The following SOS1 variants were observed in gnomAD, a reference collection of about 807,000 sequenced individuals.
SOS1 encodes the protein son of sevenless homolog 1.
A neutral mutation model predicts 157.6 loss-of-function variants in SOS1; 25 were observed. That is an observed-to-expected ratio of 0.16 (90% CI 0.12 to 0.22). SOS1 has a LOEUF of 0.22. Among genes scored for constraint, SOS1 ranks in the 10% least tolerant of loss-of-function variants. SOS1 has a pLI of 1.00. For missense variants in SOS1, 1,237 were observed against 1,599.1 expected (o/e 0.77, Z 3.86); for synonymous variants, 528 against 534.0 (o/e 0.99, Z 0.16).
chr2:39,086,400 A>G (rs958719723), intron 1 of SOS1, among the ~76,000 whole-genome samples: 8 of 152,240 alleles, frequency 5.3e-5, no homozygotes, highest in Admixed American at 6.5e-5. Flanking sequence ...AGATGTTTTC[A>G]TAAGTGGGAG....
At chr2:39,024,228 C>T (rs1011801469) in intron 8 of SOS1, 91 bp from the exon 9 acceptor site, 4 of 921,296 alleles carry the variant, frequency 4.3e-6, no homozygotes, top group African/African-American at 4.2e-5. Flanking sequence ...AACATTTATT[C>T]AACTGTCACA....
At chr2:38,999,721 T>C (rs75648979) in intron 17 of SOS1, among the ~76,000 whole-genome samples, 2 of 152,362 alleles carry the variant, frequency 1.3e-5, no homozygotes, top group African/African-American at 4.8e-5. Flanking sequence ...CATAAGAGTA[T>C]GCATGCTCAA....
chr2:39,061,079 AAAG>A (rs1671384434), intron 2 of SOS1, among the ~76,000 whole-genome samples: 1 of 152,090 alleles, frequency 6.6e-6, no homozygotes, highest in South Asian at 2.1e-4. Context: ...TTGAGGAAGG[AAAG>A]AAGAGGAAAG....
chr2:39,070,758 C>T (rs1572870082), intron 1 of SOS1, among the ~76,000 whole-genome samples: 1 of 152,146 alleles, frequency 6.6e-6, no homozygotes, highest in African/African-American at 2.4e-5. Context: ...GGTTACATTC[C>T]AGTTCAAAGC....
At chr2:39,102,235 C>T (rs1430939595) in intron 1 of SOS1, among the ~76,000 whole-genome samples, 2 of 36,660 alleles carry the variant, frequency 5.5e-5, no homozygotes, top group Non-Finnish European at 1.8e-4. Context: ...AAAAAAGTGC[C>T]ACTTTGTCCC....
At position 39,023,161 on chromosome 2, in the gene SOS1, T is replaced by C. The variant is rs747558911; in HGVS notation, c.1267A>G (p.Asn423Asp). ...CCATCAATATTCTTCTGAATCTCGT[T>C]CATCTTCTTGATTGCTAGTTGTTTC... Reference protein sequence around the residue: ...KGKQLAIKKMNEIQKNIDGWE... With the variant: ...KGKQLAIKKMDEIQKNIDGWE... Residue 423 changes from asparagine (N) to aspartate (D), a missense_variant, in exon 10 of 23, where the codon AAC (asparagine) becomes GAC (aspartate). By Grantham distance (23) the Asn-to-Asp change is conservative. Transcript: ENST00000402219. 1 of 1,613,402 alleles carries C rather than the reference T, an allele frequency of 6.2e-7. No individual in the cohort carries two copies. Among genetic ancestry groups the C allele is most frequent in the South Asian group, 1.1e-5 (1 of 90,986 alleles).
At chr2:39,064,133 G>T (rs890794440) in intron 2 of SOS1, among the ~76,000 whole-genome samples, 6 of 151,920 alleles carry the variant, frequency 3.9e-5, no homozygotes, top group Non-Finnish European at 2.9e-5. Flanking sequence ...CCACCACACC[G>T]GCCAAATTTA....
At chr2:39,030,990 G>A (rs753534174) in intron 8 of SOS1, among the ~76,000 whole-genome samples, 5 of 151,986 alleles carry the variant, frequency 3.3e-5, no homozygotes, top group African/African-American at 4.8e-5. Flanking sequence ...GAATCGCTGG[G>A]GTCCACCAGA....
intron 1 of SOS1, among the ~76,000 whole-genome samples, chr2:39,076,400 A>C (rs1228168217): frequency 6.8e-6 from 1 of 147,364 alleles, no homozygotes; most frequent in Non-Finnish European, 1.5e-5. Flanking sequence ...CCTTACCTTA[A>C]AAAAAAAAAA....
intron 2 of SOS1, among the ~76,000 whole-genome samples, chr2:39,059,721 G>A (rs1478437103): frequency 6.6e-6 from 1 of 152,146 alleles, no homozygotes; most frequent in Middle Eastern, 3.2e-3. Flanking sequence ...GCCATGTGAT[G>A]CCCTTGGTGG....
chr2:39,115,865 T>C (rs1256119390), intron 1 of SOS1, among the ~76,000 whole-genome samples: 2 of 152,264 alleles, frequency 1.3e-5, no homozygotes, highest in African/African-American at 4.8e-5. Context: ...TGAACATTCA[T>C]GTATAAGTCT....
intron 1 of SOS1, among the ~76,000 whole-genome samples, chr2:39,112,991 A>C (rs1278683382): frequency 6.6e-6 from 1 of 151,964 alleles, no homozygotes; most frequent in Admixed American, 6.6e-5. Flanking sequence ...AGCGGAGATC[A>C]CACCACTGCA....
intron 14 of SOS1, among the ~76,000 whole-genome samples, chr2:39,011,671 A>G (rs1034790420): frequency 2.6e-5 from 4 of 152,196 alleles, no homozygotes; most frequent in African/African-American, 7.2e-5. Context: ...AAAAAAGACT[A>G]TAATGGCTGT....
intron 5 of SOS1, among the ~76,000 whole-genome samples, chr2:39,053,927 C>CTT (rs754202189): frequency 2.7e-5 from 4 of 145,626 alleles, no homozygotes; most frequent in Non-Finnish European, 6.1e-5. Context: ...GAAAGGAACT[C>CTT]TTTTTTTTTT....
At chr2:39,095,706 A>T (rs1414455202) in intron 1 of SOS1, among the ~76,000 whole-genome samples, 1 of 152,234 alleles carries the variant, frequency 6.6e-6, no homozygotes, top group Non-Finnish European at 1.5e-5. Flanking sequence ...TTTCAGTTCC[A>T]CATATTCTGA....
chr2:39,108,513 C>T (rs561061828), intron 1 of SOS1, among the ~76,000 whole-genome samples: 2 of 152,260 alleles, frequency 1.3e-5, no homozygotes, highest in African/African-American at 4.8e-5. Context: ...TTATTTCCTC[C>T]TAATCCTTAA....
intron 1 of SOS1, among the ~76,000 whole-genome samples, chr2:39,097,826 A>C (rs1672825258): frequency 6.6e-6 from 1 of 152,184 alleles, no homozygotes; most frequent in Non-Finnish European, 1.5e-5. Context: ...TGGCCTCCCA[A>C]AGTGCTGGGA....
At chr2:39,010,914 AGAT>A (rs1393823594) in intron 14 of SOS1, among the ~76,000 whole-genome samples, 1 of 19,560 alleles carries the variant, frequency 5.1e-5, no homozygotes, top group African/African-American at 2.0e-4. Flanking sequence ...TTTTTTTTTG[AGAT>A]GGAGTTCCAC....
At position 39,108,456 on chromosome 2, in the gene SOS1, A is replaced by G. The variant is rs144345988; in HGVS notation, c.87+11880T>C. On this transcript the variant is annotated intron_variant, in intron 1 of 22. Coordinates refer to ENST00000402219, the MANE Select transcript of SOS1 (RefSeq NM_005633.4). ...GACTTCAGCTACTCAGAACTCCAAA[A>G]ATGCTGAGTTCCTCTTGGCCTCCAA... Among the ~76,000 whole-genome samples, 55 of 152,266 alleles carry G rather than the reference A, an allele frequency of 3.6e-4. No homozygotes were observed. The East Asian group carries it at 0.01, about 28-fold the overall frequency.
Sources: gnomAD v4.1 joint callset for allele counts (sites outside exome capture counted in the v4.1 genomes callset) on GRCh38, gnomAD v4.1.1 for gene constraint, MANE v1.5 for transcripts, NCBI Gene and HGNC (gene_info 2026-07-23, HGNC 2026-07-21) for gene names.